Variants in LONP1 observed in about 807,000 individuals in gnomAD.
The protein encoded by LONP1 is lon peptidase 1, mitochondrial.
Under a neutral mutation model 98.5 loss-of-function variants are expected in LONP1, and 31 were observed. The ratio of observed to expected loss-of-function variants is 0.31; its 90% CI spans 0.24 to 0.42. The LOEUF (loss-of-function observed/expected upper bound fraction) is 0.42, where lower values mean the gene tolerates loss of function less well. Ranked by LOEUF, LONP1 falls within the 20% of genes least tolerant of loss-of-function variation. The pLI is 1.00. For synonymous variants in LONP1, 781 were observed against 594.7 expected, an observed-to-expected ratio of 1.31 and a Z score of -4.56; for missense variants, 1,336 against 1,350.6, an observed-to-expected ratio of 0.99 and a Z score of 0.17.
chr19:5,693,468 G>A lies in LONP1; in HGVS notation c.2539-6C>T, dbSNP rs1242051767. On this transcript the variant is annotated splice_region_variant and splice_polypyrimidine_tract_variant and intron_variant, in intron 16 of 17. Coordinates refer to ENST00000360614, the MANE Select transcript of LONP1 (RefSeq NM_004793.4). ...CCGTCCTTGGGGGTGGCGCCCTGTG[G>A]AGGCATGTGGGGATAGTGGGTGAGC... The A allele has an allele frequency of 6.2e-7, 1 of 1,610,918 alleles. No individual in the cohort carries two copies. The highest frequency in any genetic ancestry group is 1.7e-5 in the Admixed American group (1 of 59,966).
At chr19:5,696,626 C>T (rs371952742) in intron 11 of LONP1, 44 bp downstream of exon 11, 171 of 1,573,342 alleles carry the variant, frequency 1.1e-4, no homozygotes, top group Non-Finnish European at 1.3e-4. Flanking sequence ...ATCTTGCACA[C>T]GGCATTGCCG....
At chr19:5,705,232 G>A (rs1599465949) in intron 8 of LONP1, among the ~76,000 whole-genome samples, 2 of 151,760 alleles carry the variant, frequency 1.3e-5, no homozygotes, top group East Asian at 1.9e-4. Flanking sequence ...CAAGGCAGCC[G>A]GATCATTTGA....
intron 4 of LONP1, among the ~76,000 whole-genome samples, chr19:5,710,829 T>C (rs1032317991): frequency 3.9e-5 from 6 of 152,026 alleles, no homozygotes; most frequent in Admixed American, 6.6e-5. Flanking sequence ...AGTTTGAGAC[T>C]AGCCCGGCCA....
chr19:5,713,324 TGGA>T (rs2055267086), intron 2 of LONP1, 71 bp from the exon 3 acceptor site: 1 of 1,559,360 alleles, frequency 6.4e-7, no homozygotes, highest in Non-Finnish European at 8.8e-7. Flanking sequence ...CTGGCTGAGA[TGGA>T]GGAGGGAGAG....
At chr19:5,711,516 GT>G (rs1474361904) in intron 4 of LONP1, among the ~76,000 whole-genome samples, 1 of 152,186 alleles carries the variant, frequency 6.6e-6, no homozygotes, top group Non-Finnish European at 1.5e-5. Flanking sequence ...CTGGACCTGG[GT>G]TCCAACCCTG....
intron 2 of LONP1, among the ~76,000 whole-genome samples, chr19:5,713,550 G>T (rs1343926413): frequency 2.0e-5 from 3 of 152,124 alleles, no homozygotes; most frequent in East Asian, 1.9e-4. Context: ...AGCCTGCTTC[G>T]AATGCATGCA....
intron 5 of LONP1, 138 bp downstream of exon 5, chr19:5,708,204 G>C: frequency 1.2e-6 from 1 of 854,828 alleles, no homozygotes; most frequent in Non-Finnish European, 1.8e-6. Context: ...TGGGCAACGG[G>C]CTCCTCCACA....
In LONP1 at chr19:5,719,956, C is replaced by T; in HGVS notation, c.177G>A (p.Pro59=). Residue 59 remains proline (P), a synonymous_variant, in exon 1 of 18, where the codon CCG becomes CCA. Coordinates refer to ENST00000360614, the MANE Select transcript of LONP1 (RefSeq NM_004793.4). ...ACCCCCGCCATTGGCCCCCAATTGC[C>T]GGGCCTCGGCCCCACAGTGCCCAAG... ...SPPWALWGRG[P]AIGGQWRGFW... The T allele has an allele frequency of 6.4e-7, 1 of 1,571,170 alleles. No homozygotes were observed. The highest frequency in any genetic ancestry group is 8.6e-7 in the Non-Finnish European group (1 of 1,160,390).
At chr19:5,718,397 G>A (rs909344624) in intron 1 of LONP1, among the ~76,000 whole-genome samples, 9 of 151,254 alleles carry the variant, frequency 6.0e-5, no homozygotes, top group African/African-American at 2.2e-4. Context: ...AGAATCACTT[G>A]AACCCGGGAG....
chr19:5,709,811 C>T (rs902994584), intron 4 of LONP1, among the ~76,000 whole-genome samples: 6 of 142,026 alleles, frequency 4.2e-5, no homozygotes, highest in African/African-American at 1.6e-4. Context: ...ACTGGGGAGG[C>T]TGAGGCAGGA....
At chr19:5,719,540 G>C (rs1482721717) in intron 1 of LONP1, among the ~76,000 whole-genome samples, 164 bp downstream of exon 1, 1 of 152,208 alleles carries the variant, frequency 6.6e-6, no homozygotes, top group Admixed American at 6.5e-5. Flanking sequence ...TTTGGCTCAA[G>C]GTTCCCAAGC....
intron 5 of LONP1, 51 bp downstream of exon 5, chr19:5,708,291 A>C: frequency 6.4e-7 from 1 of 1,560,242 alleles, no homozygotes; most frequent in African/African-American, 1.3e-5. Context: ...CAGCTGCAGA[A>C]AGAGCTGCAG....
chr19:5,698,973 C>G, intron 10 of LONP1, 54 bp downstream of exon 10: 2 of 1,515,034 alleles, frequency 1.3e-6, no homozygotes, highest in East Asian at 2.5e-5. Flanking sequence ...GAAGACGAAG[C>G]CCGGCAGCAC....
intron 1 of LONP1, among the ~76,000 whole-genome samples, chr19:5,715,931 T>C (rs377367354): frequency 1.4e-4 from 21 of 152,140 alleles, no homozygotes; most frequent in African/African-American, 4.6e-4. Context: ...TGTTCATTAA[T>C]GATCAAGACC....
intron 17 of LONP1, 76 bp downstream of exon 17, chr19:5,693,222 G>T: frequency 6.6e-7 from 1 of 1,516,324 alleles, no homozygotes; most frequent in Non-Finnish European, 9.0e-7. Context: ...GGCAGAGGTT[G>T]CATGGCGGGG....
rs374923632 is a variant in LONP1 at position 5,704,163 on chromosome 19, T to C, written c.1367+1609A>G. Among the ~76,000 whole-genome samples the C allele has an allele frequency of 1.5e-3, 231 of 152,198 alleles. 1 individual carries two copies. The highest frequency in any genetic ancestry group is 5.3e-3 in the African/African-American group (222 of 41,554). On this transcript the variant is annotated intron_variant, in intron 8 of 17. Transcript: ENST00000360614. ...AGAGACTGACTGGAAGAGGCTGCGCTGTGGCTGTGAAGGAGGAAGGGGCCC... is the reference window on the plus strand; with the variant it reads ...AGAGACTGACTGGAAGAGGCTGCGCCGTGGCTGTGAAGGAGGAAGGGGCCC...
intron 4 of LONP1, 65 bp from the exon 5 acceptor site, chr19:5,708,468 G>GGGGGGGGGGGT: frequency 1.8e-6 from 1 of 551,266 alleles, no homozygotes; most frequent in Non-Finnish European, 3.4e-6. Flanking sequence ...GGCTGGGTGG[G>GGGGGGGGGGGT]AGCATGGCCC....
upstream of LONP1, chr19:5,720,197 C>T: frequency 2.9e-6 from 4 of 1,384,040 alleles, no homozygotes; most frequent in Non-Finnish European, 3.7e-6. Flanking sequence ...ACGCACGTGA[C>T]GCCCGGCGCG....
intron 14 of LONP1, 102 bp downstream of exon 14, chr19:5,694,659 A>G (rs968172591): frequency 1.3e-6 from 2 of 1,563,326 alleles, no homozygotes; most frequent in Admixed American, 1.7e-5. Context: ...TGGTGGGGTG[A>G]TGGGCGCAGG....
Sources: gnomAD v4.1 joint callset for allele counts (sites outside exome capture counted in the v4.1 genomes callset) on GRCh38, gnomAD v4.1.1 for gene constraint, MANE v1.5 for transcripts, NCBI Gene and HGNC (gene_info 2026-07-23, HGNC 2026-07-21) for gene names.